UBR2: variants seen among roughly 807,000 people sequenced by gnomAD.
UBR2 encodes the protein E3 ubiquitin-protein ligase UBR2.
A neutral mutation model predicts 247.9 loss-of-function variants in UBR2; 92 were observed. The ratio of observed to expected loss-of-function variants is 0.37; its 90% CI spans 0.31 to 0.44. The LOEUF (loss-of-function observed/expected upper bound fraction) is 0.44, where lower values mean the gene tolerates loss of function less well. UBR2 is among the 20% of genes least tolerant of loss of function. The pLI is 1.00. For synonymous variants in UBR2, 672 were observed against 693.5 expected (o/e 0.97, Z 0.49); for missense variants, 1,613 against 2,112.6 (o/e 0.76, Z 4.64).
At chr6:42,662,124 T>C in intron 30 of UBR2, 60 bp from the exon 31 acceptor site, 1 of 1,102,976 alleles carries the variant, frequency 9.1e-7, no homozygotes, top group Non-Finnish European at 1.3e-6. Context: ...AGTTACACAT[T>C]TGTTATAGGA....
chr6:42,691,263 A>C lies in UBR2; in HGVS notation c.*90A>C, dbSNP rs1160604503. On this transcript the variant is annotated 3_prime_UTR_variant, in exon 47 of 47. Coordinates refer to ENST00000372901, the MANE Select transcript of UBR2 (RefSeq NM_001363705.2). ...AGAAGTTCTGCTGAATTTGGAAATA[A>C]ATTCTTTATTTAAACTTTCCTTCCC... The C allele has an allele frequency of 1.3e-6, 2 of 1,542,052 alleles. No individual in the cohort carries two copies. The highest frequency in any genetic ancestry group is 1.8e-6 in the Non-Finnish European group (2 of 1,137,502).
intron 36 of UBR2, among the ~76,000 whole-genome samples, chr6:42,672,492 G>T (rs749508196): frequency 1.3e-5 from 2 of 151,982 alleles, no homozygotes; most frequent in African/African-American, 4.8e-5. Flanking sequence ...TCTCTAATAC[G>T]TTATTAGAGG....
chr6:42,614,475 G>C (rs1794412266), intron 8 of UBR2, among the ~76,000 whole-genome samples: 1 of 78,090 alleles, frequency 1.3e-5, no homozygotes, highest in Admixed American at 1.4e-4. Context: ...AAGTGTTAAA[G>C]CTTTGGTTAT....
chr6:42,628,173 C>CT (rs1259730922), intron 11 of UBR2, among the ~76,000 whole-genome samples: 2 of 151,736 alleles, frequency 1.3e-5, no homozygotes, highest in African/African-American at 4.8e-5. Flanking sequence ...TGATTTCAAA[C>CT]TTTTTTTTAC....
At chr6:42,688,060 T>G (rs1799545391) in intron 44 of UBR2, 156 bp from the exon 45 acceptor site, 1 of 757,406 alleles carries the variant, frequency 1.3e-6, no homozygotes, top group Non-Finnish European at 2.2e-6. Flanking sequence ...ATGTTTCCTA[T>G]TCCAGATTCT....
intron 11 of UBR2, among the ~76,000 whole-genome samples, chr6:42,628,863 GATT>G (rs925617447): frequency 5.3e-5 from 8 of 152,066 alleles, no homozygotes; most frequent in Non-Finnish European, 8.8e-5. Flanking sequence ...AAGCATAGAT[GATT>G]ATTATTATTC....
At chr6:42,665,583 A>G in intron 33 of UBR2, 71 bp downstream of exon 33, 1 of 1,261,068 alleles carries the variant, frequency 7.9e-7, no homozygotes, top group Non-Finnish European at 1.1e-6. Context: ...TTCCAGAAGA[A>G]GTTGTTTAAA....
In UBR2 at chr6:42,683,058, G is replaced by T; in HGVS notation, c.4722G>T (p.Trp1574Cys). The T allele has an allele frequency of 6.2e-7, 1 of 1,612,422 alleles. No individual in the cohort carries two copies. Among genetic ancestry groups the T allele is most frequent in the South Asian group, 1.1e-5 (1 of 90,886 alleles). ...TCCCCCTCTGTTTACATTAAAGTTG[G>T]TGCCGTAACAGTGAAGTTAAAAGAT... ...SEIMNSLIES[W>C]CRNSEVKRYL... Residue 1574 changes from tryptophan (W) to cysteine (C), a missense_variant, in exon 43 of 47, where the codon TGG becomes TGT. By Grantham distance (215) the Trp-to-Cys change is radical. Around this residue, in one of 3 missense-constraint regions of UBR2, gnomAD observed 1,524 missense variants for 1,967.3 expected, o/e 0.77. Transcript: ENST00000372901.
At chr6:42,631,923 TACAC>T (rs1287301755) in intron 11 of UBR2, among the ~76,000 whole-genome samples, 1 of 130,974 alleles carries the variant, frequency 7.6e-6, no homozygotes, top group Non-Finnish European at 1.6e-5. Flanking sequence ...ATATATAAAA[TACAC>T]ATACATATAC....
At chr6:42,626,685 C>A (rs1795370992) in intron 11 of UBR2, among the ~76,000 whole-genome samples, 1 of 152,182 alleles carries the variant, frequency 6.6e-6, no homozygotes, top group Non-Finnish European at 1.5e-5. Context: ...CCTAGGGGTT[C>A]TCAATCGAGA....
At position 42,659,680 on chromosome 6, in the gene UBR2, T is replaced by TA; in HGVS notation, c.3268dup (p.Thr1090AsnfsTer12). 1 of 1,613,926 alleles carries TA rather than the reference T, an allele frequency of 6.2e-7. No homozygotes were observed. ...GCCCTGTGGCTTCAGATATGACACT[T>TA]ACAGCACTGGGCCCCGCACAAACTC... On this transcript the variant is annotated frameshift_variant, in exon 30 of 47. Transcript: ENST00000372901. LOFTEE classifies it high-confidence loss of function. This position sits in a 1 kb window ranked among gnomAD's most constrained non-coding sequence, Gnocchi z 4.3.
At position 42,658,842 on chromosome 6, in the gene UBR2, AAAAATT is replaced by A; in HGVS notation, c.3242+21_3242+26del. 6.5e-7 allele frequency: 1 copy of A among 1,531,844 alleles called. No individual in the cohort carries two copies. The allele number at this position is 1,531,844 out of a possible 1,614,324, so 94.9% of individuals were successfully genotyped here. On this transcript the variant is annotated intron_variant, in intron 29 of 46. Transcript: ENST00000372901. ...GATCATAGGTAAAAAAAAAAAAAAAAAAAATTAATGTCTTGACGAGTTTTTCCCAAC... is the reference window on the plus strand; with the variant it reads ...GATCATAGGTAAAAAAAAAAAAAAAAAATGTCTTGACGAGTTTTTCCCAAC...
intron 42 of UBR2, among the ~76,000 whole-genome samples, chr6:42,681,162 CAAAA>C (rs59312824): frequency 0.019 from 950 of 50,586 alleles, 7 homozygotes; most frequent in African/African-American, 0.055. Flanking sequence ...GACTCCGTCT[CAAAA>C]AAAAAAAAAA....
At chr6:42,669,844 A>G (rs998831415) in intron 34 of UBR2, among the ~76,000 whole-genome samples, 1 of 152,160 alleles carries the variant, frequency 6.6e-6, no homozygotes, top group Non-Finnish European at 1.5e-5. Flanking sequence ...CAAGGATCTC[A>G]TTGTGTAGTG....
At chr6:42,593,190 AT>A (rs2151918148) in intron 3 of UBR2, among the ~76,000 whole-genome samples, 1 of 152,262 alleles carries the variant, frequency 6.6e-6, no homozygotes, top group South Asian at 2.1e-4. Context: ...AAAAATAAAA[AT>A]AATAAAAACC....
intron 15 of UBR2, among the ~76,000 whole-genome samples, chr6:42,639,197 A>G (rs1175891603): frequency 2.0e-5 from 3 of 152,226 alleles, no homozygotes; most frequent in Non-Finnish European, 4.4e-5. Flanking sequence ...GTTTTCCTAG[A>G]TGAAGAAAGC....
At chr6:42,666,056 T>G (rs1798089433) in intron 33 of UBR2, 111 bp from the exon 34 acceptor site, 1 of 857,804 alleles carries the variant, frequency 1.2e-6, no homozygotes, top group Non-Finnish European at 1.7e-6. Flanking sequence ...TATGCCAGTT[T>G]TTATTAGGGA....
Position 42,676,777 on chromosome 6 carries a change from T to C in UBR2, c.4388-6T>C. 6.2e-7 allele frequency: 1 copy of C among 1,612,442 alleles called. No homozygotes were observed. The highest frequency in any genetic ancestry group is 8.5e-7 in the Non-Finnish European group (1 of 1,178,602). On this transcript the variant is annotated splice_polypyrimidine_tract_variant and splice_region_variant and intron_variant, in intron 39 of 46. Transcript: ENST00000372901. ...TACAGAGTACTAGTATTTCCTTATC[T>C]TTCAGAAGAGAATGGCATGGATCAA... is the stretch of plus-strand genomic sequence containing the variant.
Position 42,594,596 on chromosome 6 carries a change from A to T in UBR2, c.531+292A>T, listed in dbSNP as rs547439512. Among the ~76,000 whole-genome samples the T allele has an allele frequency of 4.6e-5, 7 of 152,298 alleles. No homozygotes were observed. The South Asian group carries it at 1.4e-3, about 32-fold the overall frequency. ...TATGGTTGAGAGGATTATTTTTCCC[A>T]TATGTGTAGACCAGTTAACCAAGTT... On this transcript the variant is annotated intron_variant, in intron 4 of 46. Coordinates refer to ENST00000372901, the MANE Select transcript of UBR2 (RefSeq NM_001363705.2).
Sources: allele counts gnomAD v4.1 joint callset (sites outside exome capture counted in the v4.1 genomes callset), GRCh38; gene constraint gnomAD v4.1.1; regional missense constraint gnomAD v4.1.1; non-coding constraint Gnocchi (gnomAD v3.1); transcripts MANE v1.5; gene names NCBI Gene and HGNC (gene_info 2026-07-23, HGNC 2026-07-21).